The following MACROD2 variants were observed in gnomAD, a reference collection of about 807,000 sequenced individuals.
MACROD2 encodes ADP-ribose glycohydrolase MACROD2.
In MACROD2, 36 loss-of-function variants were observed where a neutral mutation model predicts 70.4. The ratio of observed to expected loss-of-function variants is 0.51; its 90% CI spans 0.39 to 0.68. The LOEUF (loss-of-function observed/expected upper bound fraction) is 0.68, where lower values mean the gene tolerates loss of function less well. Ranked by LOEUF, MACROD2 falls within the 30% of genes least tolerant of loss-of-function variation. MACROD2 has a pLI of 0.00. For missense variants in MACROD2, 496 were observed against 538.4 expected (o/e 0.92, Z 0.78); for synonymous variants, 172 against 178.8 (o/e 0.96, Z 0.30).
intron 7 of MACROD2, among the ~76,000 whole-genome samples, chr20:15,440,555 A>G (rs1444325240): frequency 6.6e-6 from 1 of 152,200 alleles, no homozygotes; most frequent in African/African-American, 2.4e-5. Flanking sequence ...AAATATTTTT[A>G]TCAGTACATC....
At chr20:14,240,098 C>T (rs1414237990) in intron 3 of MACROD2, among the ~76,000 whole-genome samples, 2 of 152,100 alleles carry the variant, frequency 1.3e-5, no homozygotes, top group Admixed American at 6.5e-5. Flanking sequence ...CTCAACATCA[C>T]GAATCATTAG....
chr20:15,580,731 A>G (rs543043124), intron 8 of MACROD2, among the ~76,000 whole-genome samples: 59 of 152,212 alleles, frequency 3.9e-4, no homozygotes, highest in Non-Finnish European at 7.3e-4. Flanking sequence ...ATTGGTTAAC[A>G]TTCCTGGGGA....
rs2046212117 is a variant in MACROD2 at position 15,420,424 on chromosome 20, T to C, written c.541-10981T>C. On this transcript the variant is annotated intron_variant, in intron 6 of 17. Coordinates refer to ENST00000684519, the MANE Select transcript of MACROD2 (RefSeq NM_001351661.2). ...GCCTCAGTGAGTTCGCACACCACAC[T>C]CCAAACACTTCACTGGCCGTTTCTA... Among the ~76,000 whole-genome samples the C allele has an allele frequency of 2.0e-5, 3 of 152,208 alleles. No individual in the cohort carries two copies. In the South Asian group the frequency reaches 6.2e-4, roughly 31 times the overall value.
intron 5 of MACROD2, among the ~76,000 whole-genome samples, chr20:14,909,196 C>T (rs1207223912): frequency 6.6e-6 from 1 of 152,062 alleles, no homozygotes; most frequent in Non-Finnish European, 1.5e-5. Flanking sequence ...GAATTTAAGC[C>T]TTAACTCTCT....
At chr20:14,940,818 G>A (rs574742639) in intron 5 of MACROD2, among the ~76,000 whole-genome samples, 3 of 152,020 alleles carry the variant, frequency 2.0e-5, no homozygotes, top group African/African-American at 4.8e-5. Context: ...GAGAATTTTT[G>A]TATCTATGTT....
At chr20:16,043,614 A>G (rs1344262538) in intron 16 of MACROD2, among the ~76,000 whole-genome samples, 2 of 152,124 alleles carry the variant, frequency 1.3e-5, no homozygotes, top group African/African-American at 2.4e-5. Flanking sequence ...ATGCTCACAT[A>G]GAATACACTG....
At chr20:15,516,612 A>G (rs941521608) in intron 8 of MACROD2, among the ~76,000 whole-genome samples, 28 of 152,126 alleles carry the variant, frequency 1.8e-4, no homozygotes, top group African/African-American at 6.8e-4. Flanking sequence ...CAGAAGGTAG[A>G]GGGCAGCCTG....
chr20:14,474,688 C>T (rs1377015037), intron 3 of MACROD2, among the ~76,000 whole-genome samples: 2 of 151,942 alleles, frequency 1.3e-5, no homozygotes, highest in Non-Finnish European at 2.9e-5. Flanking sequence ...ATTTTATTTC[C>T]TCTTCCTATA....
chr20:15,202,463 A>G (rs2076664718), intron 5 of MACROD2, among the ~76,000 whole-genome samples: 1 of 152,188 alleles, frequency 6.6e-6, no homozygotes, highest in Non-Finnish European at 1.5e-5. Flanking sequence ...TAAATTTAGT[A>G]TTCATCTGCA....
intron 8 of MACROD2, among the ~76,000 whole-genome samples, chr20:15,750,888 A>G (rs1277732476): frequency 6.6e-6 from 1 of 151,908 alleles, no homozygotes; most frequent in African/African-American, 2.4e-5. Context: ...ACAAAAAACG[A>G]CAACAACAGA....
At chr20:14,399,900 A>G (rs765435239) in intron 3 of MACROD2, among the ~76,000 whole-genome samples, 37 of 152,088 alleles carry the variant, frequency 2.4e-4, no homozygotes, top group Non-Finnish European at 4.6e-4. Context: ...TTGTATTCTC[A>G]GTTCTAGAAT....
intron 5 of MACROD2, among the ~76,000 whole-genome samples, chr20:14,795,632 G>A (rs2072501090): frequency 6.6e-6 from 1 of 152,108 alleles, no homozygotes; most frequent in Non-Finnish European, 1.5e-5. Flanking sequence ...ATAGACAGTT[G>A]AATATCCAAG....
chr20:14,438,000 T>C (rs991594554), intron 3 of MACROD2, among the ~76,000 whole-genome samples: 1 of 152,156 alleles, frequency 6.6e-6, no homozygotes, highest in African/African-American at 2.4e-5. Flanking sequence ...AAAAATATAC[T>C]GCTATTAACT....
chr20:15,853,083 C>A (rs1054363634), intron 8 of MACROD2, among the ~76,000 whole-genome samples: 1 of 152,122 alleles, frequency 6.6e-6, no homozygotes, highest in Non-Finnish European at 1.5e-5. Context: ...CCCTGATATT[C>A]TCATCTGGCT....
In MACROD2 at chr20:15,426,285, T is replaced by C. The variant is rs143948248; in HGVS notation, c.541-5120T>C. On this transcript the variant is annotated intron_variant, in intron 6 of 17. Transcript: ENST00000684519. Reference sequence around the variant, plus strand: ...TTGGGCTATAAAAGTATTTCCCACTTGGTGGCCCAACCTATAATTTCACAT... The same window carrying C: ...TTGGGCTATAAAAGTATTTCCCACTCGGTGGCCCAACCTATAATTTCACAT... 1.8e-4 allele frequency among the ~76,000 whole-genome samples: 27 copies of C among 152,308 alleles called. No individual in the cohort carries two copies. The East Asian group carries it at 5.2e-3, about 29-fold the overall frequency.
intron 3 of MACROD2, among the ~76,000 whole-genome samples, chr20:14,267,982 C>G (rs111691942): frequency 1.2e-4 from 3 of 25,510 alleles, no homozygotes; most frequent in Non-Finnish European, 6.2e-4. Context: ...CACCACTACT[C>G]AAACACATTT....
chr20:15,458,632 T>TG (rs1555823466), intron 7 of MACROD2, among the ~76,000 whole-genome samples: 1 of 148,740 alleles, frequency 6.7e-6, no homozygotes, highest in African/African-American at 2.4e-5. Flanking sequence ...TTTTTGTTTT[T>TG]TTTTTTTAAA....
Position 14,093,920 on chromosome 20 carries a change from G to A in MACROD2, c.271+8192G>A, listed in dbSNP as rs117485452. ...CCACATGTGGCTGAGTGTGCTTGGA[G>A]CAAATACAGGCAGAGGCCAGATCAT... On this transcript the variant is annotated intron_variant, in intron 3 of 17. Coordinates refer to ENST00000684519, the MANE Select transcript of MACROD2 (RefSeq NM_001351661.2). Among the ~76,000 whole-genome samples the A allele has an allele frequency of 1.2e-4, 18 of 151,680 alleles. No individual in the cohort carries two copies. In the East Asian group the frequency reaches 3.1e-3, roughly 26 times the overall value.
chr20:14,130,054 C>T (rs2054698166), intron 3 of MACROD2, among the ~76,000 whole-genome samples: 1 of 152,050 alleles, frequency 6.6e-6, no homozygotes, highest in African/African-American at 2.4e-5. Context: ...AAAATATACC[C>T]AACTGAGGAA....
Sources: gnomAD v4.1 joint callset for allele counts (sites outside exome capture counted in the v4.1 genomes callset) on GRCh38, gnomAD v4.1.1 for gene constraint, MANE v1.5 for transcripts, NCBI Gene and HGNC (gene_info 2026-07-23, HGNC 2026-07-21) for gene names.